ANO4: variants seen among roughly 807,000 people sequenced by gnomAD.
The protein encoded by ANO4 is anoctamin-4.
In ANO4, 69 loss-of-function variants were observed where a neutral mutation model predicts 141.9. The observed-to-expected ratio is 0.49, with a 90% CI of 0.40 to 0.59. ANO4 has a LOEUF of 0.59. Among genes scored for constraint, ANO4 ranks in the 20% least tolerant of loss-of-function variants. The pLI is 0.00. For missense variants in ANO4, 894 were observed against 1,162.2 expected (o/e 0.77, Z 3.36); for synonymous variants, 350 against 394.3 (o/e 0.89, Z 1.33).
intron 3 of ANO4, among the ~76,000 whole-genome samples, chr12:100,745,631 A>G (rs1425348007): frequency 6.6e-6 from 1 of 152,222 alleles, no homozygotes; most frequent in Non-Finnish European, 1.5e-5. Context: ...ATGAGATACA[A>G]AAACAAGAAG....
At chr12:100,873,742 A>T (rs1262644579) in intron 1 of ANO4, among the ~76,000 whole-genome samples, 1 of 152,206 alleles carries the variant, frequency 6.6e-6, no homozygotes. Context: ...AGAAAAATCC[A>T]TTTTCTGGGG....
Position 101,059,709 on chromosome 12 carries a change from G to A in ANO4, c.1312+11308G>A, listed in dbSNP as rs150554057. Among the ~76,000 whole-genome samples the A allele has an allele frequency of 6.0e-4, 91 of 152,294 alleles. 1 individual carries two copies. Among genetic ancestry groups the A allele is most frequent in the African/African-American group, 2.1e-3 (89 of 41,562 alleles). On this transcript the variant is annotated intron_variant, in intron 14 of 27. Transcript: ENST00000392977. ...TTCTCTGATGGTAGATTGTATTTCT[G>A]TGGGATCAGTGGTTATATCCCCTTT...
intron 8 of ANO4, among the ~76,000 whole-genome samples, chr12:101,001,609 T>A (rs1040843249): frequency 6.6e-6 from 1 of 152,152 alleles, no homozygotes; most frequent in South Asian, 2.1e-4. Flanking sequence ...CTGACATATA[T>A]TGACTGCCCA....
intron 1 of ANO4, among the ~76,000 whole-genome samples, chr12:100,895,709 C>T (rs906758728): frequency 2.0e-5 from 3 of 151,576 alleles, no homozygotes; most frequent in Non-Finnish European, 4.4e-5. Flanking sequence ...TGACAGGCAC[C>T]CACCACCATG....
intron 1 of ANO4, among the ~76,000 whole-genome samples, chr12:100,870,006 C>T (rs1157620629): frequency 6.6e-6 from 1 of 152,148 alleles, no homozygotes; most frequent in Admixed American, 6.6e-5. Context: ...TTCTCAACAA[C>T]ATGATCAATC....
rs1342887046 is a variant in ANO4 at position 100,888,854 on chromosome 12, T to C, written c.-140-12792T>C. Among the ~76,000 whole-genome samples, 4 of 152,142 alleles carry C rather than the reference T, an allele frequency of 2.6e-5. No homozygotes were observed. The East Asian group carries it at 7.7e-4, about 29-fold the overall frequency. On this transcript the variant is annotated intron_variant, in intron 1 of 27. Transcript: ENST00000392977. ...CCTTAACACTTAATGTTCTTTTTTT[T>C]CTTTTTATAGGTAGTCTCTTATTTT...
intron 1 of ANO4, among the ~76,000 whole-genome samples, chr12:100,877,118 G>T (rs1368623854): frequency 6.6e-6 from 1 of 152,072 alleles, no homozygotes; most frequent in Non-Finnish European, 1.5e-5. Flanking sequence ...AGGGGCTGAG[G>T]GTAGGGGACG....
At chr12:100,866,098 G>A (rs1305214306) in intron 1 of ANO4, among the ~76,000 whole-genome samples, 2 of 152,136 alleles carry the variant, frequency 1.3e-5, no homozygotes, top group Non-Finnish European at 2.9e-5. Flanking sequence ...GGGTTGACAA[G>A]AGAGGAGAGA....
intron 24 of ANO4, among the ~76,000 whole-genome samples, chr12:101,115,551 G>T (rs752055280): frequency 1.3e-5 from 2 of 152,152 alleles, no homozygotes; most frequent in Non-Finnish European, 2.9e-5. Context: ...CCAAGCTTTT[G>T]TATGTAAAAC....
chr12:100,820,481 C>T (rs2035990835), intron 1 of ANO4, among the ~76,000 whole-genome samples: 1 of 151,856 alleles, frequency 6.6e-6, no homozygotes, highest in South Asian at 2.1e-4. Flanking sequence ...GTATTTGTGG[C>T]ATTACTGTCT....
intron 8 of ANO4, among the ~76,000 whole-genome samples, chr12:100,996,320 G>C (rs963609259): frequency 6.6e-6 from 1 of 152,202 alleles, no homozygotes; most frequent in Non-Finnish European, 1.5e-5. Flanking sequence ...AAATGACATA[G>C]TTCTTTGTGC....
chr12:100,816,772 G>A (rs140557434), intron 1 of ANO4, among the ~76,000 whole-genome samples: 118 of 151,962 alleles, frequency 7.8e-4, no homozygotes, highest in African/African-American at 2.6e-3. Flanking sequence ...AACATTGCAA[G>A]GAAGTTTCTG....
chr12:101,064,663 TATA>T (rs199759578), intron 14 of ANO4, among the ~76,000 whole-genome samples: 1,446 of 130,170 alleles, frequency 0.011, 17 homozygotes, highest in African/African-American at 0.028. Flanking sequence ...CTTAAAGTAT[TATA>T]ATAATAATAA....
chr12:100,983,844 G>T (rs1201023825), intron 7 of ANO4, among the ~76,000 whole-genome samples: 1 of 152,170 alleles, frequency 6.6e-6, no homozygotes, highest in African/African-American at 2.4e-5. Flanking sequence ...AGTCCCTTTT[G>T]CCATGTAACA....
At chr12:100,855,072 G>A (rs554370641) in intron 1 of ANO4, among the ~76,000 whole-genome samples, 2 of 151,984 alleles carry the variant, frequency 1.3e-5, no homozygotes, top group Admixed American at 6.6e-5. Flanking sequence ...CATTTGAAGT[G>A]CATCAATTCC....
intron 14 of ANO4, among the ~76,000 whole-genome samples, chr12:101,052,032 T>G (rs999981560): frequency 6.6e-6 from 1 of 152,178 alleles, no homozygotes; most frequent in Non-Finnish European, 1.5e-5. Flanking sequence ...GATATGGAGC[T>G]GATGAGAACA....
chr12:101,073,247 A>C (rs1427812413), intron 14 of ANO4, among the ~76,000 whole-genome samples: 1 of 152,130 alleles, frequency 6.6e-6, no homozygotes, highest in African/African-American at 2.4e-5. Flanking sequence ...CAGCCATAAA[A>C]AAGGATGAGT....
chr12:101,071,660 A>G (rs2136803715), intron 14 of ANO4, among the ~76,000 whole-genome samples: 1 of 152,276 alleles, frequency 6.6e-6, no homozygotes, highest in Admixed American at 6.5e-5. Flanking sequence ...GTCAATAATA[A>G]TTTAATTGTA....
At chr12:101,008,363 T>C (rs745795663) in intron 8 of ANO4, among the ~76,000 whole-genome samples, 21 of 152,206 alleles carry the variant, frequency 1.4e-4, no homozygotes, top group Non-Finnish European at 2.8e-4. Flanking sequence ...GCCTCATATC[T>C]AAATAAACTA....
Sources: allele counts gnomAD v4.1 joint callset (sites outside exome capture counted in the v4.1 genomes callset), GRCh38; gene constraint gnomAD v4.1.1; transcripts MANE v1.5; gene names NCBI Gene and HGNC (gene_info 2026-07-23, HGNC 2026-07-21).